Variants in PHF24 observed in about 807,000 individuals in gnomAD.
PHF24 encodes the protein PHD finger protein 24.
In PHF24, 25 loss-of-function variants were observed where a neutral mutation model predicts 42.6. The observed-to-expected ratio is 0.59, with a 90% CI of 0.43 to 0.82. PHF24 has a LOEUF of 0.82. Among genes scored for constraint, PHF24 ranks in the 40% least tolerant of loss-of-function variants. The probability of loss-of-function intolerance (pLI) is 0.00; values close to 1 mark genes in which losing one functional copy is unlikely to be tolerated. For synonymous variants in PHF24, 185 were observed against 204.8 expected, an observed-to-expected ratio of 0.90 and a Z score of 0.83; for missense variants, 470 against 538.1, an observed-to-expected ratio of 0.87 and a Z score of 1.25.
At chr9:34,848,702 AT>A in the PHF24 span, among the ~76,000 whole-genome samples, 1 of 151,272 alleles carries the variant, frequency 6.6e-6, no homozygotes, top group East Asian at 1.9e-4. Flanking sequence ...TAGGGTGTCC[AT>A]TTTGGATCTT....
the PHF24 span, among the ~76,000 whole-genome samples, chr9:34,880,174 C>A: frequency 1.3e-5 from 2 of 152,268 alleles, no homozygotes; most frequent in South Asian, 4.1e-4. Context: ...ACCACCAGGC[C>A]TGCCTTACAA....
the PHF24 span, among the ~76,000 whole-genome samples, chr9:34,873,518 T>C: frequency 6.6e-6 from 1 of 151,830 alleles, no homozygotes; most frequent in South Asian, 2.1e-4. Context: ...TGGTTGTAGA[T>C]ATGCGGCATT....
chr9:34,805,780 T>C, the PHF24 span, among the ~76,000 whole-genome samples: 1 of 152,234 alleles, frequency 6.6e-6, no homozygotes, highest in Non-Finnish European at 1.5e-5. Flanking sequence ...CAAGAAGTCA[T>C]TGCCAACTCC....
chr9:34,880,060 A>G, the PHF24 span, among the ~76,000 whole-genome samples: 2 of 152,228 alleles, frequency 1.3e-5, no homozygotes, highest in African/African-American at 2.4e-5. Flanking sequence ...ATTCTTAAAG[A>G]AAAGAATTTT....
At chr9:34,925,372 C>T in the PHF24 span, among the ~76,000 whole-genome samples, 1 of 152,134 alleles carries the variant, frequency 6.6e-6, no homozygotes, top group South Asian at 2.1e-4. Context: ...CTTTGAGCTT[C>T]CTGGACTTAA....
At chr9:34,912,213 T>C in the PHF24 span, among the ~76,000 whole-genome samples, 536 of 152,058 alleles carry the variant, frequency 3.5e-3, 1 homozygote, top group Non-Finnish European at 4.6e-3. Flanking sequence ...GGGGAAAAAA[T>C]GCCTCTGAAG....
chr9:34,830,808 A>G, the PHF24 span, among the ~76,000 whole-genome samples: 1 of 152,326 alleles, frequency 6.6e-6, no homozygotes, highest in South Asian at 2.1e-4. Flanking sequence ...TATCACTGAG[A>G]GGGGCTTACA....
chr9:34,859,512 C>A, the PHF24 span, among the ~76,000 whole-genome samples: 1 of 152,032 alleles, frequency 6.6e-6, no homozygotes, highest in Non-Finnish European at 1.5e-5. Context: ...TTTTTCTAGA[C>A]CTTTGACTGT....
At chr9:34,977,778 T>C in intron 7 of PHF24, 137 bp downstream of exon 7, 1 of 810,442 alleles carries the variant, frequency 1.2e-6, no homozygotes, top group Non-Finnish European at 2.0e-6. Flanking sequence ...GAGTGCACAT[T>C]TGACCCAAGT....
At chr9:34,786,596 A>G in the PHF24 span, among the ~76,000 whole-genome samples, 1 of 152,364 alleles carries the variant, frequency 6.6e-6, no homozygotes, top group African/African-American at 2.4e-5. Context: ...ATAACATCAT[A>G]ATCATAAAAA....
chr9:34,931,909 T>C, the PHF24 span, among the ~76,000 whole-genome samples: 1 of 152,212 alleles, frequency 6.6e-6, no homozygotes, highest in Non-Finnish European at 1.5e-5. Flanking sequence ...CCTGAGCCTG[T>C]AGAATGTGAA....
the PHF24 span, among the ~76,000 whole-genome samples, chr9:34,797,319 G>C: frequency 6.6e-6 from 1 of 152,196 alleles, no homozygotes; most frequent in Non-Finnish European, 1.5e-5. Flanking sequence ...AACTGGCTCA[G>C]TTAGACCCTA....
At chr9:34,894,945 C>A in the PHF24 span, 595 of 397,828 alleles carry the variant, frequency 1.5e-3, 3 homozygotes, top group African/African-American at 0.011. Flanking sequence ...GTGGTTAGAG[C>A]ACCTGCTGTT....
At chr9:34,780,008 G>T in the PHF24 span, among the ~76,000 whole-genome samples, 1 of 152,066 alleles carries the variant, frequency 6.6e-6, no homozygotes, top group Non-Finnish European at 1.5e-5. Context: ...TTACAGGCGT[G>T]AGCCACTGTG....
chr9:34,884,554 T>C, the PHF24 span, among the ~76,000 whole-genome samples: 1 of 152,122 alleles, frequency 6.6e-6, no homozygotes, highest in Admixed American at 6.6e-5. Flanking sequence ...TGGAAGAGGA[T>C]GAGACTCAGA....
chr9:34,676,169 G>T, the PHF24 span, among the ~76,000 whole-genome samples: 2 of 152,328 alleles, frequency 1.3e-5, no homozygotes, highest in East Asian at 3.9e-4. Flanking sequence ...GGAGGCTGAA[G>T]TCAGGGCTGG....
the PHF24 span, among the ~76,000 whole-genome samples, chr9:34,707,445 A>C: frequency 6.6e-6 from 1 of 152,234 alleles, no homozygotes; most frequent in Non-Finnish European, 1.5e-5. Context: ...ACTCTAGTGC[A>C]GTAGCTTGGA....
At chr9:34,905,859 T>C in the PHF24 span, among the ~76,000 whole-genome samples, 1 of 152,370 alleles carries the variant, frequency 6.6e-6, no homozygotes, top group East Asian at 1.9e-4. Context: ...TATTTTGTCT[T>C]CGTGTGGAAA....
the PHF24 span, among the ~76,000 whole-genome samples, chr9:34,857,608 TCTGTGGGGTTGAGCCGC>T: frequency 2.6e-5 from 4 of 152,308 alleles, no homozygotes; most frequent in African/African-American, 9.6e-5. Context: ...TTCCTCACTA[TCTGTGGGGTTGAGCCGC>T]CTGCCTAGTC....
Sources: gnomAD v4.1 joint callset for allele counts (sites outside exome capture counted in the v4.1 genomes callset) on GRCh38, gnomAD v4.1.1 for gene constraint, MANE v1.5 for transcripts, NCBI Gene and HGNC (gene_info 2026-07-23, HGNC 2026-07-21) for gene names.